GALNT10: variants seen among roughly 807,000 people sequenced by gnomAD.
The protein encoded by GALNT10 is polypeptide N-acetylgalactosaminyltransferase 10.
GALNT10 carries 41 observed loss-of-function variants against 75.0 expected under a neutral mutation model. The ratio of observed to expected loss-of-function variants is 0.55; its 90% CI spans 0.43 to 0.71. The LOEUF is 0.71. Ranked by LOEUF, GALNT10 falls within the 30% of genes least tolerant of loss-of-function variation. The pLI is 0.00. For synonymous variants in GALNT10, 302 were observed against 313.0 expected (o/e 0.96, Z 0.37); for missense variants, 727 against 818.5 (o/e 0.89, Z 1.36).
intron 3 of GALNT10, among the ~76,000 whole-genome samples, chr5:154,327,500 G>C (rs1754772797): frequency 6.6e-6 from 1 of 152,246 alleles, no homozygotes; most frequent in Non-Finnish European, 1.5e-5. Context: ...ACCAACCTGA[G>C]AAGACTCCTT....
chr5:154,244,688 G>A (rs878918515), intron 1 of GALNT10, among the ~76,000 whole-genome samples: 2 of 152,184 alleles, frequency 1.3e-5, no homozygotes, highest in Admixed American at 1.3e-4. Context: ...CCCAGTAAAG[G>A]GGAACAGGTG....
chr5:154,401,570 C>T (rs1756163476), intron 7 of GALNT10, among the ~76,000 whole-genome samples: 1 of 152,172 alleles, frequency 6.6e-6, no homozygotes, highest in Non-Finnish European at 1.5e-5. Flanking sequence ...ATCAGGAGCC[C>T]ATTATCTCGA....
intron 4 of GALNT10, among the ~76,000 whole-genome samples, chr5:154,371,808 T>G (rs558434981): frequency 6.6e-6 from 1 of 152,248 alleles, no homozygotes; most frequent in East Asian, 1.9e-4. Flanking sequence ...CCTGAGAAGT[T>G]ACTGCCTGCC....
intron 1 of GALNT10, among the ~76,000 whole-genome samples, chr5:154,229,601 C>T (rs1216650460): frequency 2.6e-5 from 4 of 152,094 alleles, no homozygotes; most frequent in Admixed American, 6.5e-5. Flanking sequence ...GGCATGGTGG[C>T]GGGTGCCTGT....
chr5:154,307,595 G>C (rs1383294520), intron 3 of GALNT10, among the ~76,000 whole-genome samples: 1 of 150,644 alleles, frequency 6.6e-6, no homozygotes, highest in African/African-American at 2.5e-5. Context: ...ACTCCAGCCT[G>C]GGCGACAGAG....
intron 1 of GALNT10, among the ~76,000 whole-genome samples, chr5:154,212,495 C>A (rs995532653): frequency 1.3e-5 from 2 of 152,246 alleles, no homozygotes; most frequent in African/African-American, 2.4e-5. Flanking sequence ...ATGCTTTGAA[C>A]TACCTTGTGG....
Position 154,416,835 on chromosome 5 carries a change from G to A in GALNT10, c.1675G>A (p.Val559Ile). 2.5e-6 allele frequency: 4 copies of A among 1,613,652 alleles called. No homozygotes were observed. The highest frequency in any genetic ancestry group is 2.5e-6 in the Non-Finnish European group (3 of 1,179,510). ...GTAGGACAAGACCCTGTACCACCCT[G>A]TCAGTGGCAGCTGCATGGACTGCAG... ...YRKDKTLYHPVSGSCMDCSES... is the reference protein window; with the variant it reads ...YRKDKTLYHPISGSCMDCSES... The change falls in exon 12 of 12, where the codon GTC becomes ATC. Residue 559 changes from valine (V) to isoleucine (I), a missense_variant. By Grantham distance (29) the Val-to-Ile change is conservative (BLOSUM62 3). Transcript: ENST00000297107. This position sits in a 1 kb window ranked among gnomAD's most constrained non-coding sequence, Gnocchi z 4.5.
At chr5:154,377,762 G>A (rs1469256250) in intron 5 of GALNT10, among the ~76,000 whole-genome samples, 1 of 152,160 alleles carries the variant, frequency 6.6e-6, no homozygotes, top group Non-Finnish European at 1.5e-5. Flanking sequence ...ATCTCACTGG[G>A]CTGGAGAAAG....
At chr5:154,338,422 C>A in intron 4 of GALNT10, 3 of 381,182 alleles carry the variant, frequency 7.9e-6, no homozygotes, top group South Asian at 4.7e-5. Flanking sequence ...CTCAGCTGCT[C>A]GGGCTCTTTA....
chr5:154,266,351 A>T (rs1239271427), intron 1 of GALNT10, among the ~76,000 whole-genome samples: 1 of 152,136 alleles, frequency 6.6e-6, no homozygotes, highest in African/African-American at 2.4e-5. Flanking sequence ...CAAAATTCTT[A>T]ACAGTGATGA....
chr5:154,361,866 G>A (rs1381731227), intron 4 of GALNT10, among the ~76,000 whole-genome samples: 1 of 152,172 alleles, frequency 6.6e-6, no homozygotes, highest in East Asian at 1.9e-4. Context: ...AACCAGTGGT[G>A]GAAGGTCAGG....
chr5:154,225,984 G>T (rs1465217190), intron 1 of GALNT10, among the ~76,000 whole-genome samples: 1 of 152,050 alleles, frequency 6.6e-6, no homozygotes, highest in Non-Finnish European at 1.5e-5. Flanking sequence ...GGCCTGTTGT[G>T]GGGTAGGGGA....
chr5:154,387,889 TTTTTC>T (rs1163457534), intron 7 of GALNT10: 5 of 141,484 alleles, frequency 3.5e-5, no homozygotes, highest in South Asian at 2.2e-4. Flanking sequence ...ATATCCTTTT[TTTTTC>T]TTTTCTTTTC....
chr5:154,194,136 C>T (rs1199501166), intron 1 of GALNT10, among the ~76,000 whole-genome samples: 2 of 152,188 alleles, frequency 1.3e-5, no homozygotes, highest in Admixed American at 6.5e-5. Context: ...ATTTCTGAGC[C>T]ATAATCTCTT....
At chr5:154,191,416 T>A (rs1164922135) in intron 1 of GALNT10, among the ~76,000 whole-genome samples, 1 of 142,024 alleles carries the variant, frequency 7.0e-6, no homozygotes, top group Non-Finnish European at 1.5e-5. Context: ...GTCCAGGTCC[T>A]CTCTGCTTCC....
At chr5:154,314,467 C>G (rs1193597271) in intron 3 of GALNT10, among the ~76,000 whole-genome samples, 2 of 152,072 alleles carry the variant, frequency 1.3e-5, no homozygotes, top group Non-Finnish European at 2.9e-5. Flanking sequence ...ATCTTTAAAC[C>G]AAGGAGCACA....
intron 4 of GALNT10, among the ~76,000 whole-genome samples, chr5:154,340,221 G>A (rs931253096): frequency 2.6e-5 from 4 of 152,162 alleles, no homozygotes; most frequent in African/African-American, 9.7e-5. Context: ...GTGCTCATTT[G>A]CCTGTATCAC....
chr5:154,196,667 T>C (rs1214876265), intron 1 of GALNT10, among the ~76,000 whole-genome samples: 1 of 152,206 alleles, frequency 6.6e-6, no homozygotes, highest in Non-Finnish European at 1.5e-5. Flanking sequence ...TCTGGTAGCT[T>C]CTACAAAAGA....
chr5:154,353,174 G>T (rs1755235175), intron 4 of GALNT10, among the ~76,000 whole-genome samples: 1 of 152,150 alleles, frequency 6.6e-6, no homozygotes, highest in African/African-American at 2.4e-5. Context: ...TTCTGATGTT[G>T]ATTATGGCTT....
Sources: allele counts gnomAD v4.1 joint callset (sites outside exome capture counted in the v4.1 genomes callset), GRCh38; gene constraint gnomAD v4.1.1; non-coding constraint Gnocchi (gnomAD v3.1); transcripts MANE v1.5; gene names NCBI Gene and HGNC (gene_info 2026-07-23, HGNC 2026-07-21).